Variants in DIAPH3 observed in about 807,000 individuals in gnomAD.
The protein encoded by DIAPH3 is diaphanous related formin 3, also known as protein diaphanous homolog 3.
In DIAPH3, 117 loss-of-function variants were observed where a neutral mutation model predicts 144.3. That is an observed-to-expected ratio of 0.81 (90% CI 0.70 to 0.95). The LOEUF (loss-of-function observed/expected upper bound fraction) is 0.95. DIAPH3 is among the 40% of genes least tolerant of loss of function. DIAPH3 has a pLI of 0.00. For missense variants in DIAPH3, 1,421 were observed against 1,412.7 expected, an observed-to-expected ratio of 1.01 and a Z score of -0.09; for synonymous variants, 519 against 488.9, an observed-to-expected ratio of 1.06 and a Z score of -0.81.
intron 27 of DIAPH3, among the ~76,000 whole-genome samples, chr13:59,740,021 T>C (rs183420996): frequency 6.6e-6 from 1 of 152,294 alleles, no homozygotes; most frequent in East Asian, 1.9e-4. Context: ...ATGCCATGTT[T>C]GTAGGAGATT....
chr13:59,777,680 A>G (rs1362249330), intron 25 of DIAPH3, among the ~76,000 whole-genome samples: 1 of 152,156 alleles, frequency 6.6e-6, no homozygotes, highest in East Asian at 1.9e-4. Context: ...GCACAAAAAT[A>G]TTTAACTTGA....
chr13:59,774,873 C>A, intron 25 of DIAPH3, 50 bp from the exon 26 acceptor site: 3 of 1,492,112 alleles, frequency 2.0e-6, no homozygotes, highest in Non-Finnish European at 2.8e-6. Flanking sequence ...GTTACCATAG[C>A]AATGTCAAAG....
chr13:59,686,248 C>T (rs1032279222), intron 27 of DIAPH3, among the ~76,000 whole-genome samples: 3 of 151,962 alleles, frequency 2.0e-5, no homozygotes, highest in Non-Finnish European at 2.9e-5. Flanking sequence ...CAAAGGGAAC[C>T]GGAAGAATTC....
chr13:59,832,447 C>T (rs2041826876), intron 24 of DIAPH3, among the ~76,000 whole-genome samples: 1 of 151,762 alleles, frequency 6.6e-6, no homozygotes, highest in African/African-American at 2.4e-5. Context: ...ATGACTTACC[C>T]ATCTATTAAG....
intron 1 of DIAPH3, among the ~76,000 whole-genome samples, chr13:60,146,550 G>A (rs1461966252): frequency 2.0e-5 from 3 of 152,122 alleles, no homozygotes; most frequent in African/African-American, 7.2e-5. Flanking sequence ...GCCCAATACT[G>A]TACCTAATTT....
At chr13:59,885,795 C>T (rs575727295) in intron 20 of DIAPH3, among the ~76,000 whole-genome samples, 7 of 152,148 alleles carry the variant, frequency 4.6e-5, no homozygotes, top group South Asian at 4.2e-4. Flanking sequence ...TACCCAGAAA[C>T]GCCAAGGATC....
rs566426689 is a variant in DIAPH3, at chr13:59,666,948, A to G, written c.3320-102T>C. ...AAATAATTATTCTCAATAAATAAGT[A>G]GTCTTCTTAGATAGACTAAACAAAG... On this transcript the variant is annotated intron_variant, in intron 27 of 27. Coordinates refer to ENST00000400324, the MANE Select transcript of DIAPH3 (RefSeq NM_001042517.2). 4.4e-5 allele frequency: 59 copies of G among 1,349,044 alleles called. No individual in the cohort carries two copies. The East Asian group carries it at 1.4e-3, about 31-fold the overall frequency. 83.6% of individuals were successfully genotyped at this position (1,349,044 alleles called of 1,614,324 possible).
At chr13:59,848,599 G>C (rs1466761080) in intron 22 of DIAPH3, among the ~76,000 whole-genome samples, 3 of 132,120 alleles carry the variant, frequency 2.3e-5, no homozygotes, top group Non-Finnish European at 4.8e-5. Flanking sequence ...AGTTTACTGA[G>C]AATGATGATT....
chr13:59,944,295 G>T (rs930224795), intron 17 of DIAPH3, among the ~76,000 whole-genome samples: 5 of 152,028 alleles, frequency 3.3e-5, no homozygotes, highest in Admixed American at 3.3e-4. Flanking sequence ...TCTTCACAAA[G>T]TAAATGGTAT....
intron 27 of DIAPH3, among the ~76,000 whole-genome samples, chr13:59,725,591 T>A (rs768933318): frequency 1.3e-5 from 2 of 152,200 alleles, no homozygotes; most frequent in African/African-American, 4.8e-5. Flanking sequence ...GCAAGACTAT[T>A]TGACATCATC....
intron 22 of DIAPH3, among the ~76,000 whole-genome samples, chr13:59,860,057 T>G (rs1042837468): frequency 3.3e-5 from 5 of 152,140 alleles, no homozygotes; most frequent in African/African-American, 4.8e-5. Flanking sequence ...ATATGAAATA[T>G]TTACTTCAAG....
chr13:59,829,231 T>C (rs921921364), intron 24 of DIAPH3, among the ~76,000 whole-genome samples: 1 of 152,042 alleles, frequency 6.6e-6, no homozygotes, highest in Non-Finnish European at 1.5e-5. Flanking sequence ...TCTTAAACTA[T>C]ACATATTTTA....
At chr13:59,729,808 A>ATTTTTTTTTTTTTTTTTTTTTTTTTT (rs202135165) in intron 27 of DIAPH3, among the ~76,000 whole-genome samples, 3 of 115,186 alleles carry the variant, frequency 2.6e-5, no homozygotes, top group African/African-American at 3.5e-5. Context: ...GAATACATTA[A>ATTTTTTTTTTTTTTTTTTTTTTTTTT]TATTTTTTTT....
chr13:59,717,818 A>G (rs1444889669), intron 27 of DIAPH3, among the ~76,000 whole-genome samples: 1 of 152,118 alleles, frequency 6.6e-6, no homozygotes, highest in East Asian at 1.9e-4. Context: ...CAAACAAAAA[A>G]ACCACAAGCC....
chr13:59,698,231 T>C (rs891715663), intron 27 of DIAPH3, among the ~76,000 whole-genome samples: 13 of 152,218 alleles, frequency 8.5e-5, no homozygotes, highest in African/African-American at 3.1e-4. Context: ...ATGTTGACAT[T>C]TATGAAGTAC....
chr13:59,810,327 C>T (rs1288058475), intron 25 of DIAPH3, among the ~76,000 whole-genome samples: 1 of 152,168 alleles, frequency 6.6e-6, no homozygotes, highest in African/African-American at 2.4e-5. Flanking sequence ...AAATTCCATA[C>T]ATTACAATTG....
chr13:59,740,588 T>G (rs575286398), intron 27 of DIAPH3, among the ~76,000 whole-genome samples: 1 of 152,252 alleles, frequency 6.6e-6, no homozygotes, highest in East Asian at 1.9e-4. Flanking sequence ...CAATGGAAAT[T>G]TAAGCAATAA....
chr13:59,817,952 T>C (rs1182810042), intron 24 of DIAPH3, among the ~76,000 whole-genome samples: 3 of 151,980 alleles, frequency 2.0e-5, no homozygotes, highest in Admixed American at 2.0e-4. Context: ...TATTGTGTAC[T>C]TTCTTTACAT....
At position 59,782,070 on chromosome 13, in the gene DIAPH3, G is replaced by T. The variant is rs558089763; in HGVS notation, c.3164-7247C>A. ...GTTGTTTATAAATTACCCAGTCTAA[G>T]GTGTTTTTGTTATAGCAGCAGGAAA... On this transcript the variant is annotated intron_variant, in intron 25 of 27. Transcript: ENST00000400324. 9.2e-5 allele frequency among the ~76,000 whole-genome samples: 14 copies of T among 151,994 alleles called. No individual in the cohort carries two copies. The South Asian group carries it at 2.9e-3, about 32-fold the overall frequency.
Sources: allele counts gnomAD v4.1 joint callset (sites outside exome capture counted in the v4.1 genomes callset), GRCh38; gene constraint gnomAD v4.1.1; transcripts MANE v1.5; gene names NCBI Gene and HGNC (gene_info 2026-07-23, HGNC 2026-07-21).